ADAM28: variants seen among roughly 807,000 people sequenced by gnomAD.
ADAM28 encodes disintegrin and metalloproteinase domain-containing protein 28.
In ADAM28, 105 loss-of-function variants were observed where a neutral mutation model predicts 101.2. That is an observed-to-expected ratio of 1.04 (90% CI 0.89 to 1.22). ADAM28 has a LOEUF of 1.22. Ranked by LOEUF, ADAM28 falls within the 50% of genes most tolerant of loss-of-function variation. The pLI is 0.00. For missense variants in ADAM28, 1,028 were observed against 945.4 expected (o/e 1.09, Z -1.15); for synonymous variants, 322 against 310.6 (o/e 1.04, Z -0.39).
intron 6 of ADAM28, 77 bp from the exon 7 acceptor site, chr8:24,320,159 A>C (rs985291305): frequency 2.9e-5 from 31 of 1,079,722 alleles, no homozygotes; most frequent in Middle Eastern, 2.1e-4. Context: ...CTGCTTATAA[A>C]ATTACAGATG....
At chr8:24,329,946 C>T (rs368566469) in intron 10 of ADAM28, 39 bp from the exon 11 acceptor site, 26 of 1,574,022 alleles carry the variant, frequency 1.7e-5, no homozygotes, top group South Asian at 9.2e-5. Flanking sequence ...TAATTTCATT[C>T]GAAAATCAGA....
chr8:24,306,365 T>TAA (rs1188291591), intron 2 of ADAM28, among the ~76,000 whole-genome samples: 1 of 123,100 alleles, frequency 8.1e-6, no homozygotes, highest in Non-Finnish European at 1.8e-5. Flanking sequence ...AATAAATAAA[T>TAA]ATATATATAT....
In ADAM28 at chr8:24,355,897, G is replaced by A. The variant is rs1306453437; in HGVS notation, c.*1493G>A. 1 of 152,062 alleles carries A rather than the reference G, an allele frequency of 6.6e-6. No individual in the cohort carries two copies. The highest frequency in any genetic ancestry group is 1.5e-5 in the Non-Finnish European group (1 of 68,020). The allele number at this position is 152,062 out of a possible 1,614,324, so 9.4% of individuals were successfully genotyped here. On this transcript the variant is annotated 3_prime_UTR_variant, in exon 23 of 23. Coordinates refer to ENST00000265769, the MANE Select transcript of ADAM28 (RefSeq NM_014265.6). ...TTCCATAATCAGGGAACATGCTTTAGTTCATCATCACAGCTACAGTTTTTC... is the reference window on the plus strand; with the variant it reads ...TTCCATAATCAGGGAACATGCTTTAATTCATCATCACAGCTACAGTTTTTC...
At chr8:24,311,979 T>A (rs1169526060) in intron 5 of ADAM28, among the ~76,000 whole-genome samples, 1 of 152,090 alleles carries the variant, frequency 6.6e-6, no homozygotes, top group African/African-American at 2.4e-5. Context: ...CCTCAAGTAG[T>A]CTGCCCGCCT....
chr8:24,325,489 A>T (rs1234886081), intron 9 of ADAM28, among the ~76,000 whole-genome samples: 1 of 151,958 alleles, frequency 6.6e-6, no homozygotes, highest in Non-Finnish European at 1.5e-5. Flanking sequence ...AAATGAACGA[A>T]ATGTTATTTT....
rs181159834 is a variant in ADAM28, at chr8:24,353,725, C to T, written c.2245-45C>T. On this transcript the variant is annotated intron_variant, in intron 21 of 22. Transcript: ENST00000265769. Reference sequence around the variant, plus strand: ...ATAAATATAGCTAAGATGGGACAAGCATAGCATTTCTAATGCCATACCATT... The same window carrying T: ...ATAAATATAGCTAAGATGGGACAAGTATAGCATTTCTAATGCCATACCATT... The T allele has an allele frequency of 3.6e-4, 412 of 1,159,622 alleles. 1 individual carries two copies. In the East Asian group the frequency reaches 8.4e-3, roughly 24 times the overall value. 71.8% of individuals were successfully genotyped at this position (1,159,622 alleles called of 1,614,324 possible).
intron 2 of ADAM28, among the ~76,000 whole-genome samples, chr8:24,308,042 G>A (rs2221817): frequency 0.17 from 26,196 of 152,052 alleles, 2,346 homozygotes; most frequent in East Asian, 0.33. Flanking sequence ...GAAACATCCA[G>A]GACTGTGGCT....
At chr8:24,300,987 C>A (rs375929723) in intron 2 of ADAM28, 4 of 152,234 alleles carry the variant, frequency 2.6e-5, no homozygotes, top group African/African-American at 9.6e-5. Flanking sequence ...TTTATTAATT[C>A]TAAGAGAAAA....
At chr8:24,313,010 T>C (rs1394405959) in intron 5 of ADAM28, among the ~76,000 whole-genome samples, 1 of 152,190 alleles carries the variant, frequency 6.6e-6, no homozygotes, top group Non-Finnish European at 1.5e-5. Context: ...AAAGCCAGTA[T>C]ATTAACACTT....
intron 7 of ADAM28, 101 bp from the exon 8 acceptor site, chr8:24,321,117 T>C: frequency 1.5e-6 from 1 of 666,362 alleles, no homozygotes; most frequent in Non-Finnish European, 2.6e-6. Context: ...TAATCTTTAA[T>C]TAAAATCAAT....
rs142288688 is a variant in ADAM28, at chr8:24,298,552, G to T, written c.47-1422G>T. On this transcript the variant is annotated intron_variant, in intron 1 of 22. Coordinates refer to ENST00000265769, the MANE Select transcript of ADAM28 (RefSeq NM_014265.6). ...AAGCAAGGAATAATACTTATTAAGT[G>T]CCTCATCTATGTTTGTTAAAAGATC... Among the ~76,000 whole-genome samples, 932 of 152,172 alleles carry T rather than the reference G, an allele frequency of 6.1e-3. 15 individuals carry two copies. The highest frequency in any genetic ancestry group is 0.021 in the African/African-American group (891 of 41,512).
chr8:24,354,829 A>C lies in ADAM28; in HGVS notation c.*425A>C, dbSNP rs1310262402. ...CATTAACTTGTCAAATTACAATCAC[A>C]GTTAAGAAAATGATGTAAAATTCTG... On this transcript the variant is annotated 3_prime_UTR_variant, in exon 23 of 23. Coordinates refer to ENST00000265769, the MANE Select transcript of ADAM28 (RefSeq NM_014265.6). 1 of 153,768 alleles carries C rather than the reference A, an allele frequency of 6.5e-6. No homozygotes were observed. Among genetic ancestry groups the C allele is most frequent in the Non-Finnish European group, 1.4e-5 (1 of 69,028 alleles). 9.5% of individuals were successfully genotyped at this position (153,768 alleles called of 1,614,324 possible). A position where few individuals can be genotyped will look rare whatever the true frequency, so the allele number is the denominator to read the frequency against.
intron 13 of ADAM28, among the ~76,000 whole-genome samples, chr8:24,333,390 G>A (rs972164298): frequency 1.3e-5 from 2 of 152,172 alleles, no homozygotes; most frequent in East Asian, 3.8e-4. Context: ...TTTGACTGTA[G>A]TAATCATTTC....
chr8:24,294,258 A>G, intron 1 of ADAM28, 63 bp downstream of exon 1: 2 of 1,544,164 alleles, frequency 1.3e-6, no homozygotes, highest in African/African-American at 1.4e-5. Flanking sequence ...ATAGTCTCCT[A>G]ATAGTTTTAT....
rs535062051 is a variant in ADAM28, at chr8:24,314,822, T to C, written c.576+1242T>C. On this transcript the variant is annotated intron_variant, in intron 6 of 22. Transcript: ENST00000265769. ...AAAGTATAAATTGTCAGGGGGAAGA[T>C]AAAAGTCTAGAGTTTTTATACATGA... 7.9e-5 allele frequency among the ~76,000 whole-genome samples: 12 copies of C among 151,180 alleles called. No homozygotes were observed. In the East Asian group the frequency reaches 1.9e-3, roughly 24 times the overall value.
intron 2 of ADAM28, among the ~76,000 whole-genome samples, chr8:24,306,550 T>C (rs764347536): frequency 1.3e-5 from 2 of 151,720 alleles, no homozygotes; most frequent in African/African-American, 2.4e-5. Context: ...AACTCCTCCA[T>C]GTGCAGGATT....
At position 24,357,847 on chromosome 8, in the gene ADAM28, G is replaced by C. The variant is rs1032394175; in HGVS notation, c.*3443G>C. The C allele has an allele frequency of 3.3e-5, 5 of 151,962 alleles. No individual in the cohort carries two copies. Among genetic ancestry groups the C allele is most frequent in the Non-Finnish European group, 5.9e-5 (4 of 67,990 alleles). 9.4% of individuals were successfully genotyped at this position (151,962 alleles called of 1,614,324 possible). A position where few individuals can be genotyped will look rare whatever the true frequency, so the allele number is the denominator to read the frequency against. On this transcript the variant is annotated 3_prime_UTR_variant, in exon 23 of 23. Transcript: ENST00000265769. Reference sequence around the variant, plus strand: ...GAGGATTTGCTTGAAATCTCTGATAGCCAGTATTCTCATTTATCATATTCT... The same window carrying C: ...GAGGATTTGCTTGAAATCTCTGATACCCAGTATTCTCATTTATCATATTCT...
Position 24,355,028 on chromosome 8 carries a change from A to T in ADAM28, c.*624A>T, listed in dbSNP as rs998963243. On this transcript the variant is annotated 3_prime_UTR_variant, in exon 23 of 23. Coordinates refer to ENST00000265769, the MANE Select transcript of ADAM28 (RefSeq NM_014265.6). ...TCACTTTTTAAATGGAGAAAATTTC[A>T]GTTAAATTAATAGGATAAACCAGGT... 6.6e-6 allele frequency: 1 copy of T among 152,610 alleles called. No individual in the cohort carries two copies. The highest frequency in any genetic ancestry group is 1.5e-5 in the Non-Finnish European group (1 of 68,018). 9.5% of individuals were successfully genotyped at this position (152,610 alleles called of 1,614,324 possible).
At chr8:24,336,706 A>G (rs1814137231) in intron 14 of ADAM28, among the ~76,000 whole-genome samples, 1 of 152,044 alleles carries the variant, frequency 6.6e-6, no homozygotes. Flanking sequence ...AGCAGAAAGT[A>G]CAATGCTGGT....
Sources: allele counts gnomAD v4.1 joint callset (sites outside exome capture counted in the v4.1 genomes callset), GRCh38; gene constraint gnomAD v4.1.1; transcripts MANE v1.5; gene names NCBI Gene and HGNC (gene_info 2026-07-23, HGNC 2026-07-21).